Variants in SBK1 observed in about 807,000 individuals in gnomAD.
SBK1 encodes the protein SH3 domain binding kinase 1.
Under a neutral mutation model 24.4 loss-of-function variants are expected in SBK1, and 11 were observed. The ratio of observed to expected loss-of-function variants is 0.45; its 90% confidence interval spans 0.28 to 0.75. The LOEUF (loss-of-function observed/expected upper bound fraction) is 0.75, where lower values mean the gene tolerates loss of function less well. Among genes scored for constraint, SBK1 ranks in the 30% least tolerant of loss-of-function variants. The pLI, the probability that SBK1 is intolerant of heterozygous loss-of-function variation, is 0.12. For synonymous variants in SBK1, 308 were observed against 284.4 expected (o/e 1.08, Z -0.83); for missense variants, 467 against 620.5 (o/e 0.75, Z 2.63).
intron 1 of SBK1, among the ~76,000 whole-genome samples, chr16:28,278,947 C>T (rs1010047451): frequency 6.6e-6 from 1 of 152,194 alleles, no homozygotes; most frequent in African/African-American, 2.4e-5. Context: ...AAAAAAGGGC[C>T]AGCCGTGGTG....
At chr16:28,304,213 C>T (rs1379509847) in intron 1 of SBK1, among the ~76,000 whole-genome samples, 2 of 152,212 alleles carry the variant, frequency 1.3e-5, no homozygotes, top group South Asian at 2.1e-4. Flanking sequence ...CCATATATGC[C>T]TTTCCAGCGC....
At chr16:28,302,961 T>G (rs1398829242) in intron 1 of SBK1, among the ~76,000 whole-genome samples, 61 of 146,324 alleles carry the variant, frequency 4.2e-4, no homozygotes, top group Non-Finnish European at 7.9e-4. Context: ...GAGCAGGGCA[T>G]GGGGGGGGGT....
At chr16:28,270,556 C>T (rs62031377) in intron 1 of SBK1, among the ~76,000 whole-genome samples, 2 of 151,654 alleles carry the variant, frequency 1.3e-5, no homozygotes. Context: ...CTCCTGGGTA[C>T]CTGGGACCAC....
intron 1 of SBK1, among the ~76,000 whole-genome samples, chr16:28,262,588 A>C (rs1451247058): frequency 6.6e-6 from 1 of 152,202 alleles, no homozygotes; most frequent in Non-Finnish European, 1.5e-5. Flanking sequence ...GTGAAGACAA[A>C]AACAACACAC....
chr16:28,275,003 C>G (rs898947014), intron 1 of SBK1, among the ~76,000 whole-genome samples: 2 of 152,076 alleles, frequency 1.3e-5, no homozygotes, highest in Non-Finnish European at 2.9e-5. Flanking sequence ...TAATCACGAG[C>G]TAAAAGAGTT....
intron 1 of SBK1, among the ~76,000 whole-genome samples, chr16:28,310,273 C>T (rs866403081): frequency 6.6e-6 from 1 of 152,318 alleles, no homozygotes; most frequent in Middle Eastern, 3.4e-3. Flanking sequence ...GAACAGAGGT[C>T]AGAGAGGCCT....
At chr16:28,318,544 G>A (rs1242458999) in intron 2 of SBK1, among the ~76,000 whole-genome samples, 1 of 152,252 alleles carries the variant, frequency 6.6e-6, no homozygotes, top group Non-Finnish European at 1.5e-5. Context: ...ACACACATGT[G>A]TGCTCCACCC....
At chr16:28,309,848 CTGTG>C (rs1433014932) in intron 1 of SBK1, among the ~76,000 whole-genome samples, 1 of 152,148 alleles carries the variant, frequency 6.6e-6, no homozygotes, top group Non-Finnish European at 1.5e-5. Flanking sequence ...ACACGTGTGT[CTGTG>C]TGTGTGCGCA....
At chr16:28,314,149 GTTA>G (rs71389548) in intron 1 of SBK1, among the ~76,000 whole-genome samples, 85,535 of 148,866 alleles carry the variant, frequency 0.57, 26,461 homozygotes, top group South Asian at 0.78. Context: ...CGTTATTATT[GTTA>G]TTATTATTAT....
intron 1 of SBK1, among the ~76,000 whole-genome samples, chr16:28,293,995 C>G (rs989293804): frequency 6.6e-6 from 1 of 152,116 alleles, no homozygotes; most frequent in African/African-American, 2.4e-5. Flanking sequence ...TATTTCAGGT[C>G]AGGGCACCGT....
At chr16:28,280,129 A>ATGTGTG (rs1319079209) in intron 1 of SBK1, among the ~76,000 whole-genome samples, 1 of 66,116 alleles carries the variant, frequency 1.5e-5, no homozygotes, top group Non-Finnish European at 3.5e-5. Flanking sequence ...ATATATATAT[A>ATGTGTG]TATATATATA....
At chr16:28,294,481 A>G (rs959665654) in intron 1 of SBK1, among the ~76,000 whole-genome samples, 1 of 152,178 alleles carries the variant, frequency 6.6e-6, no homozygotes, top group Non-Finnish European at 1.5e-5. Context: ...CCTGTCGCCA[A>G]TGTCTGTGAT....
intron 1 of SBK1, among the ~76,000 whole-genome samples, chr16:28,279,378 C>A (rs891514577): frequency 1.0e-4 from 10 of 96,894 alleles, no homozygotes; most frequent in East Asian, 3.7e-4. Flanking sequence ...CAGCCTGGGA[C>A]AACAGAGCAA....
intron 1 of SBK1, among the ~76,000 whole-genome samples, chr16:28,299,184 C>T (rs2044662412): frequency 6.6e-6 from 1 of 152,160 alleles, no homozygotes. Context: ...TGCCTCAGGT[C>T]CCTCATCTGT....
In SBK1 at chr16:28,317,010, C is replaced by T. The variant is rs998746224; in HGVS notation, c.-7-375C>T. 4.6e-5 allele frequency among the ~76,000 whole-genome samples: 7 copies of T among 152,230 alleles called. No individual in the cohort carries two copies. Among genetic ancestry groups the T allele is most frequent in the African/African-American group, 9.6e-5 (4 of 41,462 alleles). ...GCCTGGGCCACATAGTGGGACCCCC[C>T]TCTCTACAATCCAAATAAAACCAAC... is the stretch of plus-strand genomic sequence containing the variant. On this transcript the variant is annotated intron_variant, in intron 1 of 3. Transcript: ENST00000341901. This position sits in a 1 kb window ranked among gnomAD's most constrained non-coding sequence, Gnocchi z 4.2.
intron 1 of SBK1, among the ~76,000 whole-genome samples, chr16:28,283,175 C>T (rs918571017): frequency 1.1e-4 from 16 of 152,166 alleles, no homozygotes; most frequent in African/African-American, 3.4e-4. Flanking sequence ...TCGTGATCCA[C>T]CCACCTCGGC....
chr16:28,288,942 A>G (rs2044582927), upstream of SBK1, among the ~76,000 whole-genome samples: 1 of 152,060 alleles, frequency 6.6e-6, no homozygotes, highest in Non-Finnish European at 1.5e-5. Flanking sequence ...CGGGAGGGGG[A>G]CTTAATTACC....
rs377509025 is a variant in SBK1, at chr16:28,315,188, A to G, written c.-7-2197A>G. Reference sequence around the variant, plus strand: ...ATAGTCTACCTCTCTCCATTTACAGATGAGAAATGAATGCCCAGAGTGGTT... The same window carrying G: ...ATAGTCTACCTCTCTCCATTTACAGGTGAGAAATGAATGCCCAGAGTGGTT... On this transcript the variant is annotated intron_variant, in intron 1 of 3. Coordinates refer to ENST00000341901, the MANE Select transcript of SBK1 (RefSeq NM_001024401.3). Among the ~76,000 whole-genome samples the G allele has an allele frequency of 6.0e-5, 9 of 151,072 alleles. No individual in the cohort carries two copies. The East Asian group carries it at 7.8e-4, about 13-fold the overall frequency.
Position 28,320,786 on chromosome 16 carries a change from GGTGCCAGTGCCCGTGCCGGTGCCT to G in SBK1, c.1146_1169del (p.Val383_Pro390del), listed in dbSNP as rs1216464668. 2.8e-6 allele frequency: 4 copies of G among 1,416,174 alleles called. No homozygotes were observed. The highest frequency in any genetic ancestry group is 4.8e-5 in the Admixed American group (2 of 41,390). 87.7% of individuals were successfully genotyped at this position (1,416,174 alleles called of 1,614,324 possible). ...CGGTGCCCTTGCCCGTGCCGGTGCC[GGTGCCAGTGCCCGTGCCGGTGCCT>G]GTGCCCGAGCCCGGCCTAGCTCCCC... is the stretch of plus-strand genomic sequence containing the variant. On this transcript the variant is annotated inframe_deletion, in exon 4 of 4. Coordinates refer to ENST00000341901, the MANE Select transcript of SBK1 (RefSeq NM_001024401.3). This position sits in a 1 kb window ranked among gnomAD's most constrained non-coding sequence, Gnocchi z 8.5.
Sources: gnomAD v4.1 joint callset for allele counts (sites outside exome capture counted in the v4.1 genomes callset) on GRCh38, gnomAD v4.1.1 for gene constraint, Gnocchi (gnomAD v3.1) non-coding constraint, MANE v1.5 for transcripts, NCBI Gene and HGNC (gene_info 2026-07-23, HGNC 2026-07-21) for gene names.